The following RALGDS variants were observed in gnomAD, a reference collection of about 807,000 sequenced individuals.
RALGDS encodes the protein ral guanine nucleotide dissociation stimulator.
RALGDS carries 44 observed loss-of-function variants against 99.8 expected under a neutral mutation model. The observed-to-expected ratio is 0.44, with a 90% CI of 0.35 to 0.57. RALGDS has a LOEUF of 0.57. Ranked by LOEUF, RALGDS falls within the 20% of genes least tolerant of loss-of-function variation. The pLI is 0.01. For missense variants in RALGDS, 1,022 were observed against 1,203.1 expected, an observed-to-expected ratio of 0.85 and a Z score of 2.23; for synonymous variants, 529 against 505.0, an observed-to-expected ratio of 1.05 and a Z score of -0.64.
chr9:133,131,873 G>A (rs1832340490), upstream of RALGDS, among the ~76,000 whole-genome samples: 1 of 152,270 alleles, frequency 6.6e-6, no homozygotes. Context: ...AAGGGCGCTG[G>A]AGGATTCCAC....
chr9:133,130,037 G>C (rs531313818), intron 1 of RALGDS, among the ~76,000 whole-genome samples: 1 of 151,792 alleles, frequency 6.6e-6, no homozygotes, highest in African/African-American at 2.4e-5. Flanking sequence ...CAGTGGCATG[G>C]TCTCGGCTCA....
At chr9:133,129,829 TC>T (rs201333686) in intron 1 of RALGDS, among the ~76,000 whole-genome samples, 989 of 71,068 alleles carry the variant, frequency 0.014, 13 homozygotes, top group African/African-American at 0.031. Flanking sequence ...TTTTTTTTTT[TC>T]CCTGAGATGG....
intron 1 of RALGDS, among the ~76,000 whole-genome samples, chr9:133,128,742 A>G (rs1258690312): frequency 6.6e-6 from 1 of 152,134 alleles, no homozygotes; most frequent in African/African-American, 2.4e-5. Flanking sequence ...TTTCTCCATC[A>G]GTAAAATGGG....
In RALGDS at chr9:133,143,268, C is replaced by CTTCCACAGAAGCCAGGGTGCT. The variant is rs546739526; in HGVS notation, c.18+5674_18+5694dup. Among the ~76,000 whole-genome samples, 187 of 152,356 alleles carry CTTCCACAGAAGCCAGGGTGCT rather than the reference C, an allele frequency of 1.2e-3. 1 individual carries two copies. The highest frequency in any genetic ancestry group is 4.3e-3 in the African/African-American group (180 of 41,588). Reference sequence around the variant, plus strand: ...ATCTGTCTGCCCCATACCCCTGAGCCTTCCACAGAAGCCAGGGTGCTTCCC... The same window carrying CTTCCACAGAAGCCAGGGTGCT: ...ATCTGTCTGCCCCATACCCCTGAGCCTTCCACAGAAGCCAGGGTGCTTTCCACAGAAGCCAGGGTGCTTCCC... On this transcript the variant is annotated intron_variant, in intron 1 of 17. Coordinates refer to the RALGDS transcript ENST00000393160.
intron 4 of RALGDS, 149 bp from the exon 5 acceptor site, chr9:133,109,015 G>T (rs1032559518): frequency 1.3e-6 from 1 of 756,804 alleles, no homozygotes; most frequent in Non-Finnish European, 2.2e-6. Flanking sequence ...GGAGGCCCCT[G>T]GTCAGTGGCG....
At chr9:133,143,738 CAATAATAATAAT>C (rs747330308) in intron 1 of RALGDS, among the ~76,000 whole-genome samples, 26 of 108,086 alleles carry the variant, frequency 2.4e-4, no homozygotes, top group East Asian at 6.5e-4. Flanking sequence ...GACCCTGTCT[CAATAATAATAAT>C]AATAATAATA....
upstream of RALGDS, among the ~76,000 whole-genome samples, chr9:133,131,846 C>T (rs1354266142): frequency 6.6e-6 from 1 of 152,222 alleles, no homozygotes; most frequent in Non-Finnish European, 1.5e-5. Flanking sequence ...TTAGTTTGCT[C>T]CTTATAAAAT....
At chr9:133,105,850 CCCCCG>C (rs1564231996) in intron 9 of RALGDS, 77 bp downstream of exon 9, 4 of 14,182 alleles carry the variant, frequency 2.8e-4, no homozygotes, top group Admixed American at 1.2e-3. Flanking sequence ...CCCGCCCCAG[CCCCCG>C]CCCCAGCCCC....
chr9:133,102,302 C>T lies in RALGDS; in HGVS notation c.2010-163G>A, dbSNP rs1477283238. On this transcript the variant is annotated intron_variant, in intron 14 of 17. Coordinates refer to ENST00000372050, the MANE Select transcript of RALGDS (RefSeq NM_006266.4). The stretch of plus-strand genomic sequence containing the variant: ...GAGCATTTAGTATCACCCCATTTCA[C>T]AGAGGAGGAAACTGAGGCCCAAAAA... Among the ~76,000 whole-genome samples, 4 of 152,192 alleles carry T rather than the reference C, an allele frequency of 2.6e-5. No individual in the cohort carries two copies. The East Asian group carries it at 5.8e-4, about 22-fold the overall frequency.
At chr9:133,102,717 T>C (rs930815052) in intron 13 of RALGDS, 62 bp downstream of exon 13, 5 of 1,602,494 alleles carry the variant, frequency 3.1e-6, no homozygotes, top group Non-Finnish European at 4.2e-6. Flanking sequence ...CTGCTGGCCC[T>C]CTGGAGCTGG....
At chr9:133,135,447 T>TGG (rs990587648), upstream of RALGDS, among the ~76,000 whole-genome samples, 5 of 152,078 alleles carry the variant, frequency 3.3e-5, no homozygotes, top group African/African-American at 1.2e-4. Flanking sequence ...AAGCTGAGGA[T>TGG]CCAAGAATCC....
intron 1 of RALGDS, among the ~76,000 whole-genome samples, chr9:133,117,285 G>C (rs564783167): frequency 2.0e-5 from 3 of 152,208 alleles, no homozygotes; most frequent in Non-Finnish European, 4.4e-5. Flanking sequence ...CCATTTTACA[G>C]ATGAGGAAAC....
intron 1 of RALGDS, 98 bp downstream of exon 1, chr9:133,120,874 C>T (rs1028822351): frequency 1.6e-6 from 2 of 1,278,008 alleles, no homozygotes; most frequent in Non-Finnish European, 2.0e-6. Flanking sequence ...CCGCTGGGAT[C>T]GCCCGGCCCC....
chr9:133,148,580 G>A (rs1380066970), intron 1 of RALGDS, among the ~76,000 whole-genome samples: 1 of 152,372 alleles, frequency 6.6e-6, no homozygotes. Flanking sequence ...GAGCATGTAT[G>A]CGCAGGCCTG....
chr9:133,121,110 G>A lies in RALGDS; in HGVS notation c.45C>T (p.Gly15=). The A allele has an allele frequency of 2.7e-6, 4 of 1,469,138 alleles. No homozygotes were observed. Among genetic ancestry groups the A allele is most frequent in the Non-Finnish European group, 3.6e-6 (4 of 1,115,694 alleles). The allele number at this position is 1,469,138 out of a possible 1,614,324, so 91.0% of individuals were successfully genotyped here. A position where few individuals can be genotyped will look rare whatever the true frequency, so the allele number is the denominator to read the frequency against. ...MWAEAAGPAG[G]AEPLFPGSRR... is the part of the protein sequence containing the mutation. ...GGGAGCCCGGAAACAGCGGCTCGGC[G>A]CCGCCAGCAGGCCCGGCCGCCTCGG... The change falls in exon 1 of 18, where the codon GGC becomes GGT. Residue 15 remains glycine (G), a synonymous_variant. Transcript: ENST00000372050.
At chr9:133,132,446 G>C (rs984932241), upstream of RALGDS, among the ~76,000 whole-genome samples, 1 of 152,098 alleles carries the variant, frequency 6.6e-6, no homozygotes, top group Admixed American at 6.5e-5. Flanking sequence ...GTTTAACAGG[G>C]AGCTTACCAC....
Position 133,098,304 on chromosome 9 carries a change from G to A in RALGDS, c.*283C>T, listed in dbSNP as rs996703836. The A allele has an allele frequency of 2.0e-6, 1 of 498,348 alleles. No individual in the cohort carries two copies. Among genetic ancestry groups the A allele is most frequent in the South Asian group, 2.0e-5 (1 of 49,292 alleles). 30.9% of individuals were successfully genotyped at this position (498,348 alleles called of 1,614,324 possible). ...GTACAGAGGTGGCGCCCGGGGGCAG[G>A]CAGGGCACCATGCCATGCCCGTTGG... On this transcript the variant is annotated 3_prime_UTR_variant, in exon 18 of 18. Transcript: ENST00000372050.
chr9:133,104,211 TCCCTACCCCCAGGCCAGCCCCCTGC>T (rs1480128878), intron 10 of RALGDS, 27 bp downstream of exon 10: 73 of 1,544,646 alleles, frequency 4.7e-5, no homozygotes, highest in Non-Finnish European at 6.3e-5. Flanking sequence ...AGGGCCCTCC[TCCCTACCCCCAGGCCAGCCCCCTGC>T]CCCTCCGCGG....
rs979618991 is a variant in RALGDS, at chr9:133,097,813, AT to A, written c.*773del. On this transcript the variant is annotated 3_prime_UTR_variant, in exon 18 of 18. Coordinates refer to ENST00000372050, the MANE Select transcript of RALGDS (RefSeq NM_006266.4). ...GCCCCTCCCCAATCAGTAAACAAACATTTTTTTTTTCTTTTTGCTTTTTATA... is the reference window on the plus strand; with the variant it reads ...GCCCCTCCCCAATCAGTAAACAAACATTTTTTTTTCTTTTTGCTTTTTATA... 321 of 216,636 alleles carry A rather than the reference AT, an allele frequency of 1.5e-3. 2 individuals carry two copies. The highest frequency in any genetic ancestry group is 4.0e-3 in the African/African-American group (174 of 43,940). The allele number at this position is 216,636 out of a possible 1,614,324, so 13.4% of individuals were successfully genotyped here. A position where few individuals can be genotyped will look rare whatever the true frequency, so the allele number is the denominator to read the frequency against.
Sources: gnomAD v4.1 joint callset for allele counts (sites outside exome capture counted in the v4.1 genomes callset) on GRCh38, gnomAD v4.1.1 for gene constraint, MANE v1.5 for transcripts, NCBI Gene and HGNC (gene_info 2026-07-23, HGNC 2026-07-21) for gene names.